The following C2CD5 variants were observed in gnomAD, a reference collection of about 807,000 sequenced individuals.
C2CD5 encodes C2 domain-containing protein 5.
Under a neutral mutation model 130.3 loss-of-function variants are expected in C2CD5, and 109 were observed. The observed-to-expected ratio is 0.84, with a 90% CI of 0.72 to 0.98. The LOEUF is 0.98. Ranked by LOEUF, C2CD5 falls within the 50% of genes least tolerant of loss-of-function variation. C2CD5 has a pLI of 0.00. For missense variants in C2CD5, 996 were observed against 1,261.8 expected (o/e 0.79, Z 3.19); for synonymous variants, 454 against 429.2 (o/e 1.06, Z -0.71).
intron 9 of C2CD5, among the ~76,000 whole-genome samples, chr12:22,510,744 T>C (rs1197455773): frequency 3.3e-5 from 5 of 152,204 alleles, no homozygotes; most frequent in Non-Finnish European, 7.4e-5. Context: ...ACTTGCGAAA[T>C]ACTAGGTTAA....
rs1273630764 is a variant in C2CD5 at position 22,469,808 on chromosome 12, G to GA, written c.2447-14dup. On this transcript the variant is annotated splice_polypyrimidine_tract_variant and intron_variant, in intron 21 of 26. Coordinates refer to ENST00000446597, the MANE Select transcript of C2CD5 (RefSeq NM_001286176.2). ...TTATCTGTTGAGGCTAGAAAGGCAA[G>GA]AAAATATCAGTTATTTAGTAATGAT... is the stretch of plus-strand genomic sequence containing the variant. 2 of 1,481,162 alleles carry GA rather than the reference G, an allele frequency of 1.4e-6. No homozygotes were observed. Among genetic ancestry groups the GA allele is most frequent in the Admixed American group, 3.8e-5 (2 of 52,588 alleles). The allele number at this position is 1,481,162 out of a possible 1,614,324, so 91.8% of individuals were successfully genotyped here.
chr12:22,454,097 GAATGCACACAA>G, intron 25 of C2CD5, 55 bp from the exon 26 acceptor site: 1 of 1,326,966 alleles, frequency 7.5e-7, no homozygotes, highest in African/African-American at 1.5e-5. Flanking sequence ...ATGGATATAG[GAATGCACACAA>G]AATGTCAAAG....
rs760308421 is a variant in C2CD5 at position 22,493,237 on chromosome 12, T to C, written c.1248A>G (p.Glu416=). ...LGCHAVVGYS[E]STSICEEVCI... The stretch of plus-strand genomic sequence containing the variant: ...TTATCATTTACCAGATGCTAGTTGA[T>C]TCACTGTAGCCCACTACAGCATGAC... The change falls in exon 11 of 27, where the codon GAA becomes GAG. Residue 416 remains glutamate, a synonymous_variant. Transcript: ENST00000446597. 4 of 1,581,822 alleles carry C rather than the reference T, an allele frequency of 2.5e-6. No homozygotes were observed. The East Asian group carries it at 9.0e-5, about 36-fold the overall frequency.
At position 22,478,309 on chromosome 12, in the gene C2CD5, T is replaced by C; in HGVS notation, c.1902+4A>G. On this transcript the variant is annotated splice_donor_region_variant and intron_variant, in intron 15 of 26. Transcript: ENST00000446597. The stretch of plus-strand genomic sequence containing the variant: ...CATTCACAATGTAGGTTTGTTTTAC[T>C]TACTGGAGGATTGATTTCATATAAC... 1 of 1,605,708 alleles carries C rather than the reference T, an allele frequency of 6.2e-7. No individual in the cohort carries two copies. The highest frequency in any genetic ancestry group is 8.5e-7 in the Non-Finnish European group (1 of 1,172,558).
At chr12:22,472,262 T>G in intron 18 of C2CD5, 24 bp downstream of exon 18, 1 of 1,392,756 alleles carries the variant, frequency 7.2e-7, no homozygotes, top group Non-Finnish European at 9.9e-7. Context: ...GTTATGTGCT[T>G]AAAATTAAGA....
chr12:22,469,298 T>C (rs974494368), intron 22 of C2CD5, among the ~76,000 whole-genome samples: 1 of 151,994 alleles, frequency 6.6e-6, no homozygotes, highest in Non-Finnish European at 1.5e-5. Context: ...TCTTCATGTA[T>C]CTTCTGGAAA....
intron 6 of C2CD5, among the ~76,000 whole-genome samples, chr12:22,523,946 C>T (rs1331517757): frequency 2.0e-5 from 3 of 151,786 alleles, no homozygotes; most frequent in African/African-American, 7.3e-5. Flanking sequence ...CACATATACA[C>T]ATATAACTCT....
chr12:22,454,177 A>C, intron 25 of C2CD5, 135 bp from the exon 26 acceptor site: 2 of 658,764 alleles, frequency 3.0e-6, no homozygotes, highest in Non-Finnish European at 4.9e-6. Flanking sequence ...AACTTCCCTC[A>C]CAATGGGGAT....
chr12:22,489,316 GTA>G (rs570249488), intron 12 of C2CD5, among the ~76,000 whole-genome samples: 7 of 149,618 alleles, frequency 4.7e-5, no homozygotes, highest in Admixed American at 6.7e-5. Context: ...TTATATATGT[GTA>G]TATATATATA....
At chr12:22,454,113 T>C in intron 25 of C2CD5, 71 bp from the exon 26 acceptor site, 1 of 1,203,532 alleles carries the variant, frequency 8.3e-7, no homozygotes, top group Non-Finnish European at 1.2e-6. Context: ...ACACAAAATG[T>C]CAAAGAATAT....
intron 25 of C2CD5, among the ~76,000 whole-genome samples, chr12:22,454,494 T>C (rs1939404322): frequency 6.6e-6 from 1 of 152,160 alleles, no homozygotes; most frequent in Non-Finnish European, 1.5e-5. Context: ...ACTTGCCTTT[T>C]TTTCAGTTTC....
chr12:22,542,554 T>A (rs2137373416), intron 2 of C2CD5, among the ~76,000 whole-genome samples: 1 of 152,252 alleles, frequency 6.6e-6, no homozygotes, highest in East Asian at 1.9e-4. Context: ...CCTTTGATGT[T>A]CCCTTTGCCT....
At chr12:22,505,685 G>A (rs991292914) in intron 10 of C2CD5, among the ~76,000 whole-genome samples, 2 of 152,094 alleles carry the variant, frequency 1.3e-5, no homozygotes, top group Non-Finnish European at 2.9e-5. Flanking sequence ...TATTTTAGAC[G>A]TAGAAAAATC....
Position 22,537,550 on chromosome 12 carries a change from A to G in C2CD5, c.91-2206T>C, listed in dbSNP as rs530490685. Reference sequence around the variant, plus strand: ...CATTTTATTACTCAGCAATTAAATGAATGCCTTATAACTCTGTTAAAGAAC... The same window carrying G: ...CATTTTATTACTCAGCAATTAAATGGATGCCTTATAACTCTGTTAAAGAAC... On this transcript the variant is annotated intron_variant, in intron 2 of 26. Coordinates refer to ENST00000446597, the MANE Select transcript of C2CD5 (RefSeq NM_001286176.2). 3.3e-5 allele frequency among the ~76,000 whole-genome samples: 5 copies of G among 152,354 alleles called. No homozygotes were observed. The South Asian group carries it at 1.0e-3, about 32-fold the overall frequency.
intron 8 of C2CD5, among the ~76,000 whole-genome samples, chr12:22,516,574 A>C (rs1465847777): frequency 1.3e-5 from 2 of 150,962 alleles, no homozygotes; most frequent in Non-Finnish European, 3.0e-5. Context: ...AAAAAAAGAA[A>C]CAAGAAACAA....
chr12:22,482,525 C>A, intron 14 of C2CD5, 32 bp downstream of exon 14: 2 of 1,573,728 alleles, frequency 1.3e-6, no homozygotes, highest in East Asian at 2.2e-5. Flanking sequence ...TTAAGGAAAT[C>A]ATAAAACAAA....
intron 22 of C2CD5, among the ~76,000 whole-genome samples, chr12:22,461,724 A>C (rs1179263796): frequency 6.6e-6 from 1 of 152,178 alleles, no homozygotes; most frequent in East Asian, 1.9e-4. Flanking sequence ...TTTACCCAGT[A>C]AAATTTATAT....
intron 13 of C2CD5, among the ~76,000 whole-genome samples, chr12:22,483,037 A>G (rs1455264035): frequency 6.6e-6 from 1 of 152,198 alleles, no homozygotes; most frequent in Non-Finnish European, 1.5e-5. Context: ...CTAAAAGAGT[A>G]TAACAGGACT....
At chr12:22,471,177 C>T (rs1942963282) in intron 20 of C2CD5, among the ~76,000 whole-genome samples, 1 of 151,942 alleles carries the variant, frequency 6.6e-6, no homozygotes, top group Non-Finnish European at 1.5e-5. Flanking sequence ...GGGTACAGAT[C>T]CTACTGTATA....
Sources: gnomAD v4.1 joint callset for allele counts (sites outside exome capture counted in the v4.1 genomes callset) on GRCh38, gnomAD v4.1.1 for gene constraint, MANE v1.5 for transcripts, NCBI Gene and HGNC (gene_info 2026-07-23, HGNC 2026-07-21) for gene names.